The following ATOSA variants were observed in gnomAD, a reference collection of about 807,000 sequenced individuals.
ATOSA encodes atos homolog A.
chr15:52,610,021 A>G, the ATOSA span: 5 of 1,613,798 alleles, frequency 3.1e-6, no homozygotes, highest in Non-Finnish European at 3.4e-6. Context: ...ATATAGTTTG[A>G]TATTTTTGAC....
the ATOSA span, among the ~76,000 whole-genome samples, chr15:52,692,577 C>T: frequency 5.3e-5 from 8 of 152,330 alleles, no homozygotes; most frequent in African/African-American, 1.9e-4. Context: ...TGATCTCAAA[C>T]TCCTGAGCTC....
chr15:52,641,644 G>A, the ATOSA span, among the ~76,000 whole-genome samples: 1 of 152,272 alleles, frequency 6.6e-6, no homozygotes, highest in Admixed American at 6.5e-5. Flanking sequence ...CTGTATGAGC[G>A]GATTCATTCA....
At chr15:52,678,830 A>AGC in the ATOSA span, 1 of 153,128 alleles carries the variant, frequency 6.5e-6, no homozygotes, top group Non-Finnish European at 1.5e-5. Flanking sequence ...CGCCGCACCG[A>AGC]GCGCCGCGTC....
chr15:52,637,930 TATA>T, the ATOSA span, among the ~76,000 whole-genome samples: 3 of 152,208 alleles, frequency 2.0e-5, no homozygotes, highest in African/African-American at 7.2e-5. Flanking sequence ...ATCACTGTAA[TATA>T]ATGTTACTTC....
chr15:52,608,312 G>GTTTTTTAAAAAGGTACC, the ATOSA span, among the ~76,000 whole-genome samples: 95 of 152,226 alleles, frequency 6.2e-4, no homozygotes, highest in Middle Eastern at 0.014. Context: ...CCTATTAACA[G>GTTTTTTAAAAAGGTACC]TTTTTTAAAA....
At chr15:52,600,318 A>T in the ATOSA span, 2 of 799,788 alleles carry the variant, frequency 2.5e-6, no homozygotes, top group Non-Finnish European at 4.0e-6. Flanking sequence ...TCACTCTGTC[A>T]CCCAGGCGGG....
chr15:52,672,498 A>C, the ATOSA span, among the ~76,000 whole-genome samples: 2 of 38,750 alleles, frequency 5.2e-5, no homozygotes, highest in Admixed American at 6.2e-4. Context: ...CCTTTTCATT[A>C]TCCAAAAAAA....
At chr15:52,598,442 CCAA>C in the ATOSA span, 1 of 152,136 alleles carries the variant, frequency 6.6e-6, no homozygotes, top group South Asian at 2.1e-4. Flanking sequence ...ATGATTTCCC[CCAA>C]CAACATTACA....
the ATOSA span, chr15:52,652,065 G>C: frequency 6.9e-7 from 1 of 1,459,356 alleles, no homozygotes; most frequent in Non-Finnish European, 9.0e-7. Context: ...AGGCAGCAGA[G>C]TAAGAGCGCA....
the ATOSA span, among the ~76,000 whole-genome samples, chr15:52,667,667 G>A: frequency 6.6e-6 from 1 of 152,164 alleles, no homozygotes; most frequent in Non-Finnish European, 1.5e-5. Context: ...TAGGTGAAGA[G>A]TTGAAATGAA....
the ATOSA span, chr15:52,610,049 G>T: frequency 1.5e-5 from 25 of 1,613,974 alleles, no homozygotes; most frequent in Non-Finnish European, 2.0e-5. Context: ...GTATATTCTG[G>T]ACTTGGGCCA....
At chr15:52,623,446 T>G in the ATOSA span, among the ~76,000 whole-genome samples, 1 of 151,964 alleles carries the variant, frequency 6.6e-6, no homozygotes, top group Non-Finnish European at 1.5e-5. Flanking sequence ...TTGGATAGTA[T>G]TTAGAATCAA....
chr15:52,625,612 C>T, the ATOSA span, among the ~76,000 whole-genome samples: 2 of 151,890 alleles, frequency 1.3e-5, no homozygotes, highest in African/African-American at 4.8e-5. Flanking sequence ...TGTTTAAATT[C>T]AACCAAGTAT....
At chr15:52,607,007 C>T in the ATOSA span, among the ~76,000 whole-genome samples, 1 of 152,014 alleles carries the variant, frequency 6.6e-6, no homozygotes, top group East Asian at 1.9e-4. Context: ...ATGAAAATAA[C>T]TTAAAATATC....
chr15:52,611,879 G>A, the ATOSA span: 2 of 1,069,856 alleles, frequency 1.9e-6, no homozygotes, highest in South Asian at 1.6e-5. Context: ...TGTGAGAAAT[G>A]AGTCAGCTAT....
the ATOSA span, among the ~76,000 whole-genome samples, chr15:52,622,187 T>A: frequency 1.3e-5 from 2 of 152,208 alleles, no homozygotes; most frequent in Non-Finnish European, 2.9e-5. Flanking sequence ...TACTTTATAC[T>A]GGCATTTGTG....
the ATOSA span, among the ~76,000 whole-genome samples, chr15:52,676,476 G>C: frequency 3.9e-5 from 6 of 152,006 alleles, no homozygotes; most frequent in East Asian, 1.2e-3. Context: ...TTCTGTACTA[G>C]TTTGCTAAGT....
At chr15:52,683,736 C>T in the ATOSA span, among the ~76,000 whole-genome samples, 4 of 152,238 alleles carry the variant, frequency 2.6e-5, no homozygotes, top group African/African-American at 9.6e-5. Flanking sequence ...GTAGCAGAGT[C>T]AGGATTCACA....
At chr15:52,660,617 C>A in the ATOSA span, among the ~76,000 whole-genome samples, 5 of 152,136 alleles carry the variant, frequency 3.3e-5, no homozygotes, top group East Asian at 9.6e-4. Context: ...TAACAACAGG[C>A]AAATTTATTG....
Sources: allele counts gnomAD v4.1 joint callset (sites outside exome capture counted in the v4.1 genomes callset), GRCh38; gene constraint gnomAD v4.1.1; transcripts MANE v1.5; gene names NCBI Gene and HGNC (gene_info 2026-07-23, HGNC 2026-07-21).